TBC1D5: variants seen among roughly 807,000 people sequenced by gnomAD.
TBC1D5 encodes TBC1 domain family, member 5.
A neutral mutation model predicts 100.3 loss-of-function variants in TBC1D5; 75 were observed. The observed-to-expected ratio is 0.75, with a 90% confidence interval of 0.62 to 0.91. TBC1D5 has a LOEUF of 0.91. Among genes scored for constraint, TBC1D5 ranks in the 40% least tolerant of loss-of-function variants. The pLI is 0.00. For synonymous variants in TBC1D5, 323 were observed against 325.6 expected, an observed-to-expected ratio of 0.99 and a Z score of 0.09; for missense variants, 910 against 942.4, an observed-to-expected ratio of 0.97 and a Z score of 0.45.
At chr3:17,433,060 G>A (rs1237885289) in intron 3 of TBC1D5, among the ~76,000 whole-genome samples, 1 of 150,906 alleles carries the variant, frequency 6.6e-6, no homozygotes, top group Non-Finnish European at 1.5e-5. Flanking sequence ...CACTGTAGCA[G>A]TCTGGAAGAG....
At chr3:17,375,885 G>C (rs1240574729) in intron 10 of TBC1D5, among the ~76,000 whole-genome samples, 3 of 152,102 alleles carry the variant, frequency 2.0e-5, no homozygotes, top group Admixed American at 6.6e-5. Context: ...CTGGCCTGAT[G>C]AATACTCCTG....
chr3:17,350,319 G>C (rs1363924974), intron 13 of TBC1D5, among the ~76,000 whole-genome samples: 1 of 151,662 alleles, frequency 6.6e-6, no homozygotes, highest in Non-Finnish European at 1.5e-5. Context: ...CGCATGGGAG[G>C]AATGACAAAG....
chr3:17,464,477 T>C (rs1401122179), intron 3 of TBC1D5, among the ~76,000 whole-genome samples: 1 of 152,204 alleles, frequency 6.6e-6, no homozygotes, highest in African/African-American at 2.4e-5. Context: ...ATTTCTTTCA[T>C]GTAAACTTCA....
chr3:17,621,476 A>G (rs986624423), intron 2 of TBC1D5, among the ~76,000 whole-genome samples: 1 of 152,220 alleles, frequency 6.6e-6, no homozygotes, highest in African/African-American at 2.4e-5. Flanking sequence ...GTCAGAAATT[A>G]AGGAAGCACT....
intron 2 of TBC1D5, among the ~76,000 whole-genome samples, chr3:17,571,502 G>A (rs561187574): frequency 6.6e-6 from 1 of 151,948 alleles, no homozygotes; most frequent in Non-Finnish European, 1.5e-5. Context: ...TGAAAAAATC[G>A]AGTTCTTTGA....
At chr3:17,335,817 A>G (rs1440463354) in intron 13 of TBC1D5, among the ~76,000 whole-genome samples, 11 of 152,154 alleles carry the variant, frequency 7.2e-5, no homozygotes, top group Non-Finnish European at 1.5e-4. Flanking sequence ...GACAGAAGAG[A>G]CAAAGTATAT....
chr3:17,626,855 GA>G (rs1299099199), intron 1 of TBC1D5, among the ~76,000 whole-genome samples: 5 of 152,100 alleles, frequency 3.3e-5, no homozygotes, highest in Non-Finnish European at 5.9e-5. Context: ...GCCAGTGGAG[GA>G]AAAAACTAGG....
intron 15 of TBC1D5, among the ~76,000 whole-genome samples, chr3:17,264,344 C>G (rs2078641711): frequency 6.6e-6 from 1 of 152,240 alleles, no homozygotes; most frequent in South Asian, 2.1e-4. Context: ...CTGTTCTTTA[C>G]TCCAAGGTGG....
chr3:17,352,854 C>T (rs201065302), intron 13 of TBC1D5, among the ~76,000 whole-genome samples: 1 of 151,934 alleles, frequency 6.6e-6, no homozygotes, highest in Non-Finnish European at 1.5e-5. Flanking sequence ...TACCATTAAT[C>T]AAAACACTGA....
intron 17 of TBC1D5, among the ~76,000 whole-genome samples, chr3:17,228,631 G>C (rs1673928216): frequency 6.6e-6 from 1 of 151,778 alleles, no homozygotes; most frequent in African/African-American, 2.4e-5. Context: ...TGAAATCCAG[G>C]CCATGGTCTG....
chr3:17,378,728 G>C (rs1467637311), intron 9 of TBC1D5, among the ~76,000 whole-genome samples: 3 of 148,478 alleles, frequency 2.0e-5, no homozygotes, highest in Non-Finnish European at 4.5e-5. Context: ...TGCCTATAAA[G>C]ACCTTCCTTA....
At chr3:17,456,765 G>A (rs1005090990) in intron 3 of TBC1D5, among the ~76,000 whole-genome samples, 1 of 152,048 alleles carries the variant, frequency 6.6e-6, no homozygotes, top group Non-Finnish European at 1.5e-5. Context: ...CAAAATGAGT[G>A]AGTAAAAAAA....
chr3:17,427,931 A>T (rs1233570018), intron 4 of TBC1D5, among the ~76,000 whole-genome samples: 1 of 151,950 alleles, frequency 6.6e-6, no homozygotes. Flanking sequence ...TTTCTTAATT[A>T]GTATATCCTT....
At chr3:17,464,727 C>A (rs1046453954) in intron 3 of TBC1D5, among the ~76,000 whole-genome samples, 1 of 151,978 alleles carries the variant, frequency 6.6e-6, no homozygotes, top group Admixed American at 6.5e-5. Context: ...CTCTTTTTTT[C>A]ATCTATATCC....
intron 1 of TBC1D5, among the ~76,000 whole-genome samples, chr3:17,690,657 A>G (rs982570719): frequency 6.6e-6 from 1 of 152,222 alleles, no homozygotes; most frequent in Non-Finnish European, 1.5e-5. Flanking sequence ...CAGCAGTGGC[A>G]TTAGATTCTC....
chr3:17,291,847 A>G (rs779142969), intron 15 of TBC1D5, 48 bp downstream of exon 15: 155 of 1,539,630 alleles, frequency 1.0e-4, no homozygotes, highest in Middle Eastern at 1.7e-4. Context: ...AGAGAAGCCT[A>G]TTTTTCACCC....
chr3:17,383,535 CTTGA>C (rs1360786989), intron 9 of TBC1D5, among the ~76,000 whole-genome samples: 1 of 151,874 alleles, frequency 6.6e-6, no homozygotes, highest in Non-Finnish European at 1.5e-5. Context: ...TAATAGGATA[CTTGA>C]TTATTTTTTA....
At chr3:17,631,071 T>A (rs1577116752) in intron 1 of TBC1D5, among the ~76,000 whole-genome samples, 1 of 138,822 alleles carries the variant, frequency 7.2e-6, no homozygotes, top group African/African-American at 2.7e-5. Context: ...AAGTTAGGCC[T>A]CCTGAACCAA....
chr3:17,682,626 G>A (rs1198444703), intron 1 of TBC1D5, among the ~76,000 whole-genome samples: 1 of 148,876 alleles, frequency 6.7e-6, no homozygotes, highest in Non-Finnish European at 1.5e-5. Context: ...TACCACCACA[G>A]GTCCCCATTT....
Sources: allele counts gnomAD v4.1 joint callset (sites outside exome capture counted in the v4.1 genomes callset), GRCh38; gene constraint gnomAD v4.1.1; transcripts MANE v1.5; gene names NCBI Gene and HGNC (gene_info 2026-07-23, HGNC 2026-07-21).